Variants in REEP3 observed in about 807,000 individuals in gnomAD.
The protein encoded by REEP3 is receptor accessory protein 3.
A neutral mutation model predicts 41.3 loss-of-function variants in REEP3; 20 were observed. That is an observed-to-expected ratio of 0.48 (90% CI 0.34 to 0.70). The LOEUF is 0.70. REEP3 is among the 30% of genes least tolerant of loss of function. REEP3 has a pLI of 0.01. For missense variants in REEP3, 271 were observed against 308.8 expected (o/e 0.88, Z 0.92); for synonymous variants, 104 against 101.8 (o/e 1.02, Z -0.13).
rs755771432 is a variant in REEP3, at chr10:63,591,098, A to G, written c.106-3680A>G. Among the ~76,000 whole-genome samples, 6 of 148,232 alleles carry G rather than the reference A, an allele frequency of 4.0e-5. No homozygotes were observed. In the East Asian group the frequency reaches 6.0e-4, roughly 15 times the overall value. The stretch of plus-strand genomic sequence containing the variant: ...TAAAGAATATTTCCTTTATCTTCAC[A>G]TACATTTAGGTTTTGTGTTTTTGTT... On this transcript the variant is annotated intron_variant, in intron 2 of 7. Transcript: ENST00000373758.
intron 1 of REEP3, among the ~76,000 whole-genome samples, chr10:63,538,474 G>A (rs148919061): frequency 1.7e-3 from 254 of 152,206 alleles, no homozygotes; most frequent in African/African-American, 5.8e-3. Flanking sequence ...TGGCTCACAT[G>A]TATAATCCTG....
chr10:63,541,642 T>G (rs557198691), intron 1 of REEP3, among the ~76,000 whole-genome samples: 7 of 152,302 alleles, frequency 4.6e-5, no homozygotes, highest in Admixed American at 2.6e-4. Flanking sequence ...GAGAAGTTTT[T>G]TTTTTGAAGG....
intron 5 of REEP3, 89 bp from the exon 6 acceptor site, chr10:63,610,098 T>C: frequency 8.6e-7 from 1 of 1,163,928 alleles, no homozygotes; most frequent in South Asian, 1.6e-5. Context: ...TCAGCTTTTC[T>C]GAAGTTATCT....
chr10:63,579,043 G>GT (rs962938382), intron 2 of REEP3, among the ~76,000 whole-genome samples: 13 of 144,412 alleles, frequency 9.0e-5, no homozygotes, highest in South Asian at 8.9e-4. Flanking sequence ...TTTTTTTTTG[G>GT]GGGGGGGGAG....
chr10:63,604,318 G>A (rs928541364), intron 5 of REEP3, among the ~76,000 whole-genome samples: 3 of 152,226 alleles, frequency 2.0e-5, no homozygotes, highest in Non-Finnish European at 2.9e-5. Context: ...ATTTTGCTGA[G>A]GATGTACAGC....
intron 2 of REEP3, among the ~76,000 whole-genome samples, chr10:63,568,225 G>A (rs1955817893): frequency 6.6e-6 from 1 of 151,504 alleles, no homozygotes; most frequent in Admixed American, 6.6e-5. Flanking sequence ...TGTGGTACAG[G>A]ACCACTTTTG....
At chr10:63,596,382 T>C (rs769603623) in intron 3 of REEP3, among the ~76,000 whole-genome samples, 4 of 151,896 alleles carry the variant, frequency 2.6e-5, no homozygotes, top group Non-Finnish European at 2.9e-5. Context: ...TGATTGCAAA[T>C]GTAGCCTATA....
At chr10:63,592,720 G>A (rs1281472235) in intron 2 of REEP3, among the ~76,000 whole-genome samples, 11 of 151,802 alleles carry the variant, frequency 7.2e-5, no homozygotes, top group African/African-American at 1.5e-4. Flanking sequence ...GTGAAACCCC[G>A]TCTCTACTAA....
intron 2 of REEP3, among the ~76,000 whole-genome samples, chr10:63,589,646 G>A (rs1395018864): frequency 6.6e-6 from 1 of 151,988 alleles, no homozygotes; most frequent in Admixed American, 6.6e-5. Context: ...TCAGGGGCAC[G>A]CCACTATACT....
chr10:63,567,937 T>C (rs1451074363), intron 2 of REEP3, among the ~76,000 whole-genome samples: 1 of 152,148 alleles, frequency 6.6e-6, no homozygotes, highest in Non-Finnish European at 1.5e-5. Flanking sequence ...GTCAAAATGG[T>C]GGAATACATC....
At chr10:63,527,503 C>A (rs1955376862) in intron 1 of REEP3, among the ~76,000 whole-genome samples, 1 of 151,912 alleles carries the variant, frequency 6.6e-6, no homozygotes, top group Admixed American at 6.6e-5. Flanking sequence ...GAAACCCCAT[C>A]TCTACAAAAA....
intron 1 of REEP3, among the ~76,000 whole-genome samples, chr10:63,556,040 G>A (rs7919685): frequency 6.6e-6 from 1 of 151,832 alleles, no homozygotes; most frequent in South Asian, 2.1e-4. Flanking sequence ...TTTCCTCTGG[G>A]GGAAAAATGC....
intron 1 of REEP3, chr10:63,562,743 A>C (rs1460611446): frequency 2.4e-6 from 1 of 410,358 alleles, no homozygotes; most frequent in East Asian, 7.1e-5. Context: ...AAATGAACTA[A>C]AAATATGGAG....
intron 1 of REEP3, among the ~76,000 whole-genome samples, chr10:63,553,912 C>A (rs1955652277): frequency 6.6e-6 from 1 of 152,090 alleles, no homozygotes; most frequent in South Asian, 2.1e-4. Flanking sequence ...ACCATCCTGG[C>A]TAACACGGTA....
intron 5 of REEP3, among the ~76,000 whole-genome samples, chr10:63,609,769 A>G (rs551222859): frequency 7.5e-4 from 114 of 152,198 alleles, no homozygotes; most frequent in African/African-American, 2.6e-3. Flanking sequence ...CTAAATAAAT[A>G]AATAAATAAA....
intron 1 of REEP3, among the ~76,000 whole-genome samples, chr10:63,528,786 A>G (rs562642051): frequency 6.6e-6 from 1 of 152,270 alleles, no homozygotes; most frequent in South Asian, 2.1e-4. Flanking sequence ...TGGGCACTTG[A>G]TGGCCCCTGC....
chr10:63,613,300 G>A (rs1956289769), intron 6 of REEP3, among the ~76,000 whole-genome samples: 2 of 152,230 alleles, frequency 1.3e-5, no homozygotes, highest in African/African-American at 2.4e-5. Context: ...GTGAGCCACT[G>A]TGCCTGGCCA....
At chr10:63,581,178 T>C (rs1264382739) in intron 2 of REEP3, among the ~76,000 whole-genome samples, 1 of 152,204 alleles carries the variant, frequency 6.6e-6, no homozygotes, top group East Asian at 1.9e-4. Flanking sequence ...TATGTAATTT[T>C]AAAAATATAG....
At chr10:63,609,165 G>A (rs1160207139) in intron 5 of REEP3, among the ~76,000 whole-genome samples, 1 of 152,086 alleles carries the variant, frequency 6.6e-6, no homozygotes. Context: ...TTAAAAAGTT[G>A]CCCTTGGCCG....
Sources: allele counts gnomAD v4.1 joint callset (sites outside exome capture counted in the v4.1 genomes callset), GRCh38; gene constraint gnomAD v4.1.1; transcripts MANE v1.5; gene names NCBI Gene and HGNC (gene_info 2026-07-23, HGNC 2026-07-21).